The following PRAG1 variants were observed in gnomAD, a reference collection of about 807,000 sequenced individuals.
PRAG1 encodes the protein PEAK1 related, kinase-activating pseudokinase 1.
In PRAG1, 110 loss-of-function variants were observed where a neutral mutation model predicts 95.6. That is an observed-to-expected ratio of 1.15 (90% CI 0.99 to 1.35). The LOEUF is 1.35. PRAG1 is among the 40% of genes most tolerant of loss of function. The probability of loss-of-function intolerance (pLI) is 0.00; values close to 1 mark genes in which losing one functional copy is unlikely to be tolerated. For synonymous variants in PRAG1, 1,052 were observed against 819.4 expected, an observed-to-expected ratio of 1.28 and a Z score of -4.85; for missense variants, 2,554 against 1,864.7, an observed-to-expected ratio of 1.37 and a Z score of -6.81.
intron 4 of PRAG1, among the ~76,000 whole-genome samples, chr8:8,329,868 C>A (rs547399591): frequency 6.6e-6 from 1 of 152,196 alleles, no homozygotes; most frequent in Non-Finnish European, 1.5e-5. Flanking sequence ...ATGCCCCAGC[C>A]TCAGTGACCG....
chr8:8,385,780 G>A (rs1448617536), intron 1 of PRAG1, among the ~76,000 whole-genome samples: 1 of 152,052 alleles, frequency 6.6e-6, no homozygotes, highest in Non-Finnish European at 1.5e-5. Context: ...GGTTAATAAC[G>A]TGCTCACAGC....
chr8:8,320,108 G>A (rs1020899114), intron 5 of PRAG1, among the ~76,000 whole-genome samples: 7 of 152,322 alleles, frequency 4.6e-5, no homozygotes, highest in East Asian at 3.9e-4. Flanking sequence ...CAGTGTGGTC[G>A]GGAGGTATTG....
chr8:8,318,818 G>A lies in PRAG1; in HGVS notation c.3557C>T (p.Pro1186Leu), dbSNP rs1410852657. 4 of 1,454,790 alleles carry A rather than the reference G, an allele frequency of 2.7e-6. No homozygotes were observed. The highest frequency in any genetic ancestry group is 2.5e-5 in the Admixed American group (1 of 40,366). 90.1% of individuals were successfully genotyped at this position (1,454,790 alleles called of 1,614,324 possible). The change falls in exon 6 of 6, where the codon CCG becomes CTG. Residue 1186 changes from proline to leucine, a missense_variant. Pro to Leu is a moderately conservative substitution (Grantham distance 98). Coordinates refer to ENST00000615670, the MANE Select transcript of PRAG1 (RefSeq NM_001080826.3). The surrounding 1 kb of genome is among the most constrained non-coding windows in gnomAD (Gnocchi z 4.2). ...GGGGCTGAGAGTGCCACCAGCAGGC[G>A]GGGCGGCAGAGGAGCAGGGAGGCGC... ...AAAPPCSSAA[P>L]PAGGTLSPAA...
intron 3 of PRAG1, among the ~76,000 whole-genome samples, chr8:8,374,161 G>T (rs1800304078): frequency 6.6e-6 from 1 of 152,152 alleles, no homozygotes; most frequent in African/African-American, 2.4e-5. Flanking sequence ...ATAGCAGGGT[G>T]TTATCAAAGT....
intron 3 of PRAG1, among the ~76,000 whole-genome samples, chr8:8,349,930 TACACACACAC>T (rs67536846): frequency 4.8e-5 from 7 of 144,752 alleles, no homozygotes; most frequent in South Asian, 2.2e-4. Flanking sequence ...GATAGGAAAA[TACACACACAC>T]ACACACACAC....
intron 3 of PRAG1, 88 bp downstream of exon 3, chr8:8,376,159 G>T (rs1800378873): frequency 2.7e-6 from 4 of 1,506,554 alleles, no homozygotes; most frequent in Non-Finnish European, 2.7e-6. Flanking sequence ...CTGGGACCTG[G>T]GCCTGAAAGC....
At chr8:8,329,543 C>CA (rs58165765) in intron 4 of PRAG1, among the ~76,000 whole-genome samples, 31 of 151,710 alleles carry the variant, frequency 2.0e-4, no homozygotes, top group Middle Eastern at 3.4e-3. Context: ...CAGAAAACAA[C>CA]AAAAAAAAGC....
chr8:8,367,761 C>T (rs1261748402), intron 3 of PRAG1, among the ~76,000 whole-genome samples: 1 of 152,036 alleles, frequency 6.6e-6, no homozygotes, highest in Non-Finnish European at 1.5e-5. Flanking sequence ...CCTGCCTCAG[C>T]CTCCCGAATA....
At position 8,318,693 on chromosome 8, in the gene PRAG1, G is replaced by C. The variant is rs1228337940; in HGVS notation, c.3682C>G (p.Pro1228Ala). 2 of 1,610,956 alleles carry C rather than the reference G, an allele frequency of 1.2e-6. No homozygotes were observed. The highest frequency in any genetic ancestry group is 1.7e-5 in the Admixed American group (1 of 59,984). The change falls in exon 6 of 6, where the codon CCA becomes GCA. Residue 1228 changes from proline to alanine, a missense_variant. By Grantham distance (27) the Pro-to-Ala change is conservative. Transcript: ENST00000615670. This position sits in a 1 kb window ranked among gnomAD's most constrained non-coding sequence, Gnocchi z 4.2. ...TGGCTCTTCTTCTGCTGCAGGTTTGGGGTGCCGCCCGGCTTCTGCTTGGCC... is the reference window on the plus strand; with the variant it reads ...TGGCTCTTCTTCTGCTGCAGGTTTGCGGTGCCGCCCGGCTTCTGCTTGGCC... ...LKAKQKPGGTPNLQQKKSQAR... is the reference protein window; with the variant it reads ...LKAKQKPGGTANLQQKKSQAR...
chr8:8,375,500 C>A (rs1450541543), intron 3 of PRAG1, among the ~76,000 whole-genome samples: 3 of 152,004 alleles, frequency 2.0e-5, no homozygotes, highest in African/African-American at 4.8e-5. Context: ...ACGCCCAGCC[C>A]CATTTTTTTC....
chr8:8,323,170 G>A (rs1377178694), intron 5 of PRAG1, among the ~76,000 whole-genome samples: 2 of 152,150 alleles, frequency 1.3e-5, no homozygotes, highest in African/African-American at 4.8e-5. Context: ...TGCACATTGG[G>A]TGATATGGTT....
At chr8:8,364,133 A>G (rs1799933138) in intron 3 of PRAG1, among the ~76,000 whole-genome samples, 1 of 152,204 alleles carries the variant, frequency 6.6e-6, no homozygotes. Flanking sequence ...GTAGTCTCAT[A>G]CTTAATTTAA....
At chr8:8,385,185 A>G (rs1800808335) in intron 1 of PRAG1, among the ~76,000 whole-genome samples, 2 of 152,352 alleles carry the variant, frequency 1.3e-5, no homozygotes, top group Non-Finnish European at 2.9e-5. Flanking sequence ...CAACGCCAGT[A>G]AAAGGAAAGA....
chr8:8,327,911 TCCCCCCAGC>T lies in PRAG1; in HGVS notation c.2862_2870del (p.Gly956_Leu958del), dbSNP rs753705297. On this transcript the variant is annotated inframe_deletion, in exon 5 of 6. Transcript: ENST00000615670. ...GGCGGGCCAGGGACTGGGTGTAGAG[TCCCCCCAGC>T]TTGGCATAGGTGCCCTCCTTGCTGC... 6.2e-7 allele frequency: 1 copy of T among 1,613,382 alleles called. No homozygotes were observed. The highest frequency in any genetic ancestry group is 8.5e-7 in the Non-Finnish European group (1 of 1,179,802).
chr8:8,337,951 C>A (rs566691361), intron 4 of PRAG1, among the ~76,000 whole-genome samples: 246 of 152,300 alleles, frequency 1.6e-3, no homozygotes, highest in Non-Finnish European at 2.4e-3. Context: ...TCTCATCCTT[C>A]TCCCACATGC....
chr8:8,336,149 G>A (rs1280508374), intron 4 of PRAG1, among the ~76,000 whole-genome samples: 2 of 152,176 alleles, frequency 1.3e-5, no homozygotes, highest in Non-Finnish European at 2.9e-5. Flanking sequence ...TGGTGCCAAT[G>A]GTTTCAGTTC....
chr8:8,365,664 G>A (rs1310319756), intron 3 of PRAG1, among the ~76,000 whole-genome samples: 1 of 151,098 alleles, frequency 6.6e-6, no homozygotes, highest in Non-Finnish European at 1.5e-5. Context: ...ACAAGCCAAA[G>A]AGAATAAGGC....
intron 3 of PRAG1, among the ~76,000 whole-genome samples, chr8:8,358,706 C>A (rs1183503739): frequency 6.6e-6 from 1 of 152,208 alleles, no homozygotes; most frequent in Non-Finnish European, 1.5e-5. Flanking sequence ...CATCAGCAAT[C>A]CTGCCACGAG....
rs540274081 is a variant in PRAG1 at position 8,318,706 on chromosome 8, C to T, written c.3669G>A (p.Lys1223=). ...GCTGCAGGTTTGGGGTGCCGCCCGG[C>T]TTCTGCTTGGCCTTCAAAAAGTTGC... ...IISNFLKAKQ[K]PGGTPNLQQK... is the part of the protein sequence containing the mutation. The change falls in exon 6 of 6, where the codon AAG becomes AAA. Residue 1223 remains lysine, a synonymous_variant. Coordinates refer to ENST00000615670, the MANE Select transcript of PRAG1 (RefSeq NM_001080826.3). This position sits in a 1 kb window ranked among gnomAD's most constrained non-coding sequence, Gnocchi z 4.2. 7.1e-5 allele frequency: 114 copies of T among 1,610,192 alleles called. 1 individual carries two copies. The South Asian group carries it at 1.2e-3, about 17-fold the overall frequency.
Sources: gnomAD v4.1 joint callset for allele counts (sites outside exome capture counted in the v4.1 genomes callset) on GRCh38, gnomAD v4.1.1 for gene constraint, Gnocchi (gnomAD v3.1) non-coding constraint, MANE v1.5 for transcripts, NCBI Gene and HGNC (gene_info 2026-07-23, HGNC 2026-07-21) for gene names.